The following NBR1 variants were observed in gnomAD, a reference collection of about 807,000 sequenced individuals.
NBR1 encodes the protein next to BRCA1 gene 1 protein.
Under a neutral mutation model 115.5 loss-of-function variants are expected in NBR1, and 59 were observed. That is an observed-to-expected ratio of 0.51 (90% CI 0.41 to 0.63). NBR1 has a LOEUF of 0.63. Ranked by LOEUF, NBR1 falls within the 30% of genes least tolerant of loss-of-function variation. NBR1 has a pLI of 0.00. For synonymous variants in NBR1, 373 were observed against 414.7 expected (o/e 0.90, Z 1.22); for missense variants, 1,043 against 1,150.5 (o/e 0.91, Z 1.35).
chr17:43,180,058 T>C (rs2056624350), intron 4 of NBR1, among the ~76,000 whole-genome samples: 1 of 152,208 alleles, frequency 6.6e-6, no homozygotes, highest in African/African-American at 2.4e-5. Context: ...GCTGTTCATA[T>C]ATAATAAGCT....
intron 5 of NBR1, among the ~76,000 whole-genome samples, chr17:43,183,004 TC>T (rs2154582040): frequency 6.6e-6 from 1 of 151,732 alleles, no homozygotes; most frequent in African/African-American, 2.4e-5. Flanking sequence ...CCTCCGGTGA[TC>T]CTCTTGCCTT....
chr17:43,181,990 C>CA (rs202007343), intron 5 of NBR1, among the ~76,000 whole-genome samples: 7 of 150,808 alleles, frequency 4.6e-5, no homozygotes, highest in South Asian at 4.2e-4. Flanking sequence ...ATCTCAAAGA[C>CA]AAAAAAAACC....
intron 1 of NBR1, among the ~76,000 whole-genome samples, chr17:43,174,471 G>A (rs565826376): frequency 2.2e-4 from 34 of 152,000 alleles, no homozygotes; most frequent in African/African-American, 8.2e-4. Context: ...GGTGGCGGGC[G>A]CCTGTAGTCC....
At chr17:43,187,502 CTTTTTTTT>C (rs71160025) in intron 6 of NBR1, among the ~76,000 whole-genome samples, 1 of 68,868 alleles carries the variant, frequency 1.5e-5, no homozygotes, top group African/African-American at 6.8e-5. Context: ...TATTTCCTGA[CTTTTTTTT>C]TTTTTTTTTT....
At chr17:43,186,154 T>C in intron 5 of NBR1, 96 bp from the exon 6 acceptor site, 1 of 1,077,190 alleles carries the variant, frequency 9.3e-7, no homozygotes, top group South Asian at 1.6e-5. Flanking sequence ...TTTTCTAGCA[T>C]AACTTACCAC....
chr17:43,190,571 A>T, intron 8 of NBR1, 38 bp from the exon 9 acceptor site: 1 of 1,550,590 alleles, frequency 6.4e-7, no homozygotes, highest in Non-Finnish European at 8.7e-7. Flanking sequence ...GGTACTTCCT[A>T]TTCTGCCATT....
chr17:43,183,472 G>A (rs2056725385), intron 5 of NBR1, among the ~76,000 whole-genome samples: 1 of 149,426 alleles, frequency 6.7e-6, no homozygotes, highest in Admixed American at 6.6e-5. Flanking sequence ...ACCTGCCTTA[G>A]CCTCCCAAAG....
chr17:43,175,790 G>A lies in NBR1; in HGVS notation c.-9-1G>A, dbSNP rs1462595099. 1 of 1,475,700 alleles carries A rather than the reference G, an allele frequency of 6.8e-7. No individual in the cohort carries two copies. Among genetic ancestry groups the A allele is most frequent in the Non-Finnish European group, 9.4e-7 (1 of 1,063,258 alleles). 91.4% of individuals were successfully genotyped at this position (1,475,700 alleles called of 1,614,324 possible). A position where few individuals can be genotyped will look rare whatever the true frequency, so the allele number is the denominator to read the frequency against. On this transcript the variant is annotated splice_acceptor_variant, in intron 1 of 20. Transcript: ENST00000590996. LOFTEE classifies it low-confidence loss of function (5UTR_SPLICE). ...TCTCCCACCAACCTTCTCAACCCTA[G>A]CCTCACAGCATGGAACCACAGGTTA...
At chr17:43,208,246 TG>T (rs2057353689) in intron 20 of NBR1, among the ~76,000 whole-genome samples, 1 of 152,038 alleles carries the variant, frequency 6.6e-6, no homozygotes, top group Non-Finnish European at 1.5e-5. Context: ...TAAAGTTGGG[TG>T]AGACTTTAGA....
intron 1 of NBR1, among the ~76,000 whole-genome samples, chr17:43,173,237 C>G (rs2056421396): frequency 6.6e-6 from 1 of 152,142 alleles, no homozygotes; most frequent in Non-Finnish European, 1.5e-5. Flanking sequence ...TCCGCCTCAG[C>G]CTCCCAAAGT....
At chr17:43,185,177 GTTTT>G (rs112615429) in intron 5 of NBR1, among the ~76,000 whole-genome samples, 1 of 151,978 alleles carries the variant, frequency 6.6e-6, no homozygotes, top group Non-Finnish European at 1.5e-5. Context: ...ACTTTTATGG[GTTTT>G]TTTGTTTGTT....
chr17:43,197,387 C>T (rs1335969763), intron 16 of NBR1, among the ~76,000 whole-genome samples: 2 of 151,922 alleles, frequency 1.3e-5, no homozygotes, highest in African/African-American at 2.4e-5. Flanking sequence ...GGCGACGTGG[C>T]GGGTGCCTGT....
At chr17:43,195,139 G>C in intron 14 of NBR1, 100 bp downstream of exon 14, 1 of 905,000 alleles carries the variant, frequency 1.1e-6, no homozygotes, top group South Asian at 1.5e-5. Flanking sequence ...AAATGGCAAG[G>C]ATTTCTCCCA....
At position 43,210,173 on chromosome 17, in the gene NBR1, TG is replaced by T; in HGVS notation, c.*100del. 4 of 1,211,754 alleles carry T rather than the reference TG, an allele frequency of 3.3e-6. No individual in the cohort carries two copies. Among genetic ancestry groups the T allele is most frequent in the Non-Finnish European group, 4.6e-6 (4 of 875,290 alleles). The allele number at this position is 1,211,754 out of a possible 1,614,324, so 75.1% of individuals were successfully genotyped here. On this transcript the variant is annotated 3_prime_UTR_variant, in exon 21 of 21. Coordinates refer to ENST00000590996, the MANE Select transcript of NBR1 (RefSeq NM_005899.5). ...AAGCCCTTGCTTATTTTTAATCTGA[TG>T]AATCTGTATAGAGCCCATCGTTGAG...
intron 20 of NBR1, among the ~76,000 whole-genome samples, chr17:43,208,071 TAAGG>T (rs1236937428): frequency 6.6e-6 from 1 of 152,090 alleles, no homozygotes; most frequent in Non-Finnish European, 1.5e-5. Flanking sequence ...TGCTGGAACT[TAAGG>T]AAGGGTGTTT....
chr17:43,175,128 A>T (rs1355770529), intron 1 of NBR1, among the ~76,000 whole-genome samples: 4 of 152,142 alleles, frequency 2.6e-5, no homozygotes, highest in African/African-American at 9.7e-5. Context: ...AAAATAAAAT[A>T]AAAAATCAGT....
rs184720320 is a variant in NBR1 at position 43,176,095 on chromosome 17, A to C, written c.102+194A>C. 9.0e-5 allele frequency: 40 copies of C among 445,782 alleles called. No homozygotes were observed. The East Asian group carries it at 1.1e-3, about 12-fold the overall frequency. 27.6% of individuals were successfully genotyped at this position (445,782 alleles called of 1,614,324 possible). A position where few individuals can be genotyped will look rare whatever the true frequency, so the allele number is the denominator to read the frequency against. ...GTGCCCCAATAAAGGGAACCAACAC[A>C]TAAATTTCCTTTTGAACATTTTAGA... On this transcript the variant is annotated intron_variant, in intron 2 of 20. Coordinates refer to ENST00000590996, the MANE Select transcript of NBR1 (RefSeq NM_005899.5).
At position 43,196,929 on chromosome 17, in the gene NBR1, G is replaced by T. The variant is rs748258412; in HGVS notation, c.1862-13G>T. On this transcript the variant is annotated splice_polypyrimidine_tract_variant and intron_variant, in intron 15 of 20. Coordinates refer to ENST00000590996, the MANE Select transcript of NBR1 (RefSeq NM_005899.5). ...TAAACACCCAGTGCAGATAAGGTTCGTGTGTCTTTCAGATTCTATGGTGTC... is the reference window on the plus strand; with the variant it reads ...TAAACACCCAGTGCAGATAAGGTTCTTGTGTCTTTCAGATTCTATGGTGTC... The T allele has an allele frequency of 1.2e-6, 2 of 1,613,792 alleles. No homozygotes were observed. The highest frequency in any genetic ancestry group is 1.7e-6 in the Non-Finnish European group (2 of 1,179,760).
chr17:43,190,435 T>G, intron 8 of NBR1, 174 bp from the exon 9 acceptor site: 1 of 654,052 alleles, frequency 1.5e-6, no homozygotes. Flanking sequence ...ATGGGTTAAG[T>G]GTTATTATCC....
Sources: allele counts gnomAD v4.1 joint callset (sites outside exome capture counted in the v4.1 genomes callset), GRCh38; gene constraint gnomAD v4.1.1; transcripts MANE v1.5; gene names NCBI Gene and HGNC (gene_info 2026-07-23, HGNC 2026-07-21).